The following CSMD1 variants were observed in gnomAD, a reference collection of about 807,000 sequenced individuals.
CSMD1 encodes the protein CUB and Sushi multiple domains 1.
CSMD1 carries 213 observed loss-of-function variants against 417.5 expected under a neutral mutation model. The ratio of observed to expected loss-of-function variants is 0.51; its 90% CI spans 0.46 to 0.57. CSMD1 has a LOEUF of 0.57. Ranked by LOEUF, CSMD1 falls within the 20% of genes least tolerant of loss-of-function variation. CSMD1 has a pLI of 0.00. For synonymous variants in CSMD1, 2,862 were observed against 1,736.8 expected, an observed-to-expected ratio of 1.65 and a Z score of -16.11; for missense variants, 6,923 against 4,529.7, an observed-to-expected ratio of 1.53 and a Z score of -15.17.
intron 1 of CSMD1, among the ~76,000 whole-genome samples, chr8:4,650,823 AAGGTTGT>A (rs1427637733): frequency 6.6e-6 from 1 of 152,202 alleles, no homozygotes; most frequent in African/African-American, 2.4e-5. Flanking sequence ...TTTTGCTTCC[AAGGTTGT>A]AGAGTAGAAA....
intron 1 of CSMD1, among the ~76,000 whole-genome samples, chr8:4,698,379 G>T (rs1049791601): frequency 6.6e-6 from 1 of 152,084 alleles, no homozygotes; most frequent in African/African-American, 2.4e-5. Flanking sequence ...ATCAGAGAAA[G>T]AAGGCAAAGG....
chr8:3,719,314 G>C (rs1028267766), intron 6 of CSMD1, among the ~76,000 whole-genome samples: 1 of 152,142 alleles, frequency 6.6e-6, no homozygotes, highest in Non-Finnish European at 1.5e-5. Flanking sequence ...AGATAGCTGA[G>C]CTCCAATCTC....
At chr8:3,421,954 G>C (rs1246346071) in intron 12 of CSMD1, among the ~76,000 whole-genome samples, 1 of 151,866 alleles carries the variant, frequency 6.6e-6, no homozygotes, top group African/African-American at 2.4e-5. Flanking sequence ...ATGGCTTAGA[G>C]TATTAGCCAC....
chr8:2,942,589 T>A lies in CSMD1; in HGVS notation c.10418A>T (p.Asp3473Val), dbSNP rs1261525195. Residue 3473 changes from aspartate to valine, a missense_variant, in exon 69 of 70, where the codon GAT becomes GTT. Physicochemically the swap from Asp to Val is radical, Grantham distance 152. Transcript: ENST00000635120. The part of the protein sequence containing the change: ...KLERQDPLNP[D>V]QDSSSHYHGT... The stretch of plus-strand genomic sequence containing the variant: ...GTGGTAATGACTGGAAGAGTCTTGA[T>A]CTGGGTTTAAAGGATCTGTAAGATA... 3 of 1,593,428 alleles carry A rather than the reference T, an allele frequency of 1.9e-6. No individual in the cohort carries two copies. Among genetic ancestry groups the A allele is most frequent in the Non-Finnish European group, 2.6e-6 (3 of 1,168,978 alleles).
chr8:3,528,868 T>C (rs563002668), intron 10 of CSMD1, among the ~76,000 whole-genome samples: 1 of 152,354 alleles, frequency 6.6e-6, no homozygotes, highest in African/African-American at 2.4e-5. Flanking sequence ...GTTTTAATAC[T>C]CTGTATGTAT....
intron 2 of CSMD1, among the ~76,000 whole-genome samples, chr8:4,622,285 G>C (rs35443110): frequency 3.9e-5 from 6 of 152,062 alleles, no homozygotes; most frequent in African/African-American, 1.4e-4. Context: ...CTGAGATTCA[G>C]AGCTGGCTGA....
chr8:4,696,882 A>C (rs967289485), intron 1 of CSMD1, among the ~76,000 whole-genome samples: 2 of 152,236 alleles, frequency 1.3e-5, no homozygotes, highest in Non-Finnish European at 2.9e-5. Context: ...CTATGAATTC[A>C]AAAAATCAGG....
chr8:3,074,098 GGCAGAAATACGTTTCTT>G (rs1813483607), intron 49 of CSMD1, among the ~76,000 whole-genome samples: 1 of 152,192 alleles, frequency 6.6e-6, no homozygotes, highest in African/African-American at 2.4e-5. Context: ...CTCAAGTGGT[GGCAGAAATACGTTTCTT>G]GCATTTGCGC....
chr8:3,399,644 G>C (rs903875599), intron 15 of CSMD1, 115 bp from the exon 16 acceptor site: 2 of 748,016 alleles, frequency 2.7e-6, no homozygotes, highest in African/African-American at 3.6e-5. Flanking sequence ...ATATTTTCAA[G>C]TATCAAAGCA....
In CSMD1 at chr8:4,766,766, G is replaced by T. The variant is rs377520813; in HGVS notation, c.86-129208C>A. Among the ~76,000 whole-genome samples, 8 of 152,246 alleles carry T rather than the reference G, an allele frequency of 5.3e-5. No individual in the cohort carries two copies. The East Asian group carries it at 9.7e-4, about 18-fold the overall frequency. Reference sequence around the variant, plus strand: ...GTTTCTTCACGCCTGATTTATGAAGGTTTGTACGCACAATGAGAGTTGGAT... The same window carrying T: ...GTTTCTTCACGCCTGATTTATGAAGTTTTGTACGCACAATGAGAGTTGGAT... On this transcript the variant is annotated intron_variant, in intron 1 of 69. Coordinates refer to ENST00000635120, the MANE Select transcript of CSMD1 (RefSeq NM_033225.6).
chr8:4,446,459 G>C (rs576903930), intron 2 of CSMD1, among the ~76,000 whole-genome samples: 4 of 151,948 alleles, frequency 2.6e-5, no homozygotes, highest in Admixed American at 2.0e-4. Flanking sequence ...GAGGTGGGAC[G>C]ATCACCGAAC....
At chr8:3,249,852 C>T (rs56026650) in intron 26 of CSMD1, among the ~76,000 whole-genome samples, 2,227 of 152,130 alleles carry the variant, frequency 0.015, 64 homozygotes, top group African/African-American at 0.052. Flanking sequence ...GCTAATGGCA[C>T]TGTGTTTCTA....
chr8:4,586,104 G>T (rs1448329002), intron 2 of CSMD1, among the ~76,000 whole-genome samples: 1 of 152,188 alleles, frequency 6.6e-6, no homozygotes, highest in South Asian at 2.1e-4. Flanking sequence ...GTAATGATGA[G>T]ATCAGGGTAA....
intron 23 of CSMD1, among the ~76,000 whole-genome samples, chr8:3,332,065 AGAT>A (rs528549742): frequency 7.9e-4 from 121 of 152,368 alleles, no homozygotes; most frequent in African/African-American, 2.8e-3. Flanking sequence ...ATCAATCAAT[AGAT>A]GATCAATTAA....
At chr8:3,089,056 G>A (rs1814740322) in intron 48 of CSMD1, among the ~76,000 whole-genome samples, 2 of 152,208 alleles carry the variant, frequency 1.3e-5, no homozygotes, top group East Asian at 3.9e-4. Flanking sequence ...ACTCACTTAG[G>A]ATAAGACATG....
chr8:3,298,059 G>GTTTTTTCATTTTA (rs1442804294), intron 25 of CSMD1, among the ~76,000 whole-genome samples: 1 of 152,130 alleles, frequency 6.6e-6, no homozygotes, highest in African/African-American at 2.4e-5. Flanking sequence ...CCAGTAGAAT[G>GTTTTTTCATTTTA]GCTAAAATGA....
At chr8:3,986,835 A>G (rs956733021) in intron 5 of CSMD1, among the ~76,000 whole-genome samples, 2 of 152,058 alleles carry the variant, frequency 1.3e-5, no homozygotes, top group Non-Finnish European at 2.9e-5. Context: ...GGCTCACTGC[A>G]ATCTCTGCTC....
chr8:4,868,357 C>T (rs1802539224), intron 1 of CSMD1, among the ~76,000 whole-genome samples: 1 of 151,928 alleles, frequency 6.6e-6, no homozygotes, highest in South Asian at 2.1e-4. Flanking sequence ...CTTCAGCCTC[C>T]CCAGTAAACT....
chr8:4,437,598 A>G (rs1279495013), intron 2 of CSMD1, among the ~76,000 whole-genome samples: 1 of 152,172 alleles, frequency 6.6e-6, no homozygotes, highest in Admixed American at 6.5e-5. Flanking sequence ...TTTTTATTTC[A>G]TACTCTATCA....
Sources: gnomAD v4.1 joint callset for allele counts (sites outside exome capture counted in the v4.1 genomes callset) on GRCh38, gnomAD v4.1.1 for gene constraint, MANE v1.5 for transcripts, NCBI Gene and HGNC (gene_info 2026-07-23, HGNC 2026-07-21) for gene names.